VMP1: variants seen among roughly 807,000 people sequenced by gnomAD.
The protein encoded by VMP1 is ectopic P-granules autophagy protein 3 homolog.
VMP1 carries 11 observed loss-of-function variants against 56.0 expected under a neutral mutation model. The observed-to-expected ratio is 0.20, with a 90% CI of 0.12 to 0.32. The LOEUF is 0.32. Among genes scored for constraint, VMP1 ranks in the 10% least tolerant of loss-of-function variants. The pLI is 1.00. For synonymous variants in VMP1, 149 were observed against 165.0 expected (o/e 0.90, Z 0.74); for missense variants, 296 against 490.3 (o/e 0.60, Z 3.74).
chr17:59,816,133 A>G (rs1319629486), intron 9 of VMP1, among the ~76,000 whole-genome samples: 8 of 152,202 alleles, frequency 5.3e-5, no homozygotes, highest in Non-Finnish European at 1.2e-4. Flanking sequence ...TCTAACCCAG[A>G]ACAGTGACTT....
At chr17:59,779,081 A>G (rs1012428258) in intron 7 of VMP1, among the ~76,000 whole-genome samples, 2 of 152,216 alleles carry the variant, frequency 1.3e-5, no homozygotes, top group African/African-American at 4.8e-5. Flanking sequence ...GGTTAGATGT[A>G]TTCAATGCAT....
At chr17:59,760,606 A>G (rs1194471160) in intron 5 of VMP1, among the ~76,000 whole-genome samples, 1 of 151,898 alleles carries the variant, frequency 6.6e-6, no homozygotes, top group Admixed American at 6.6e-5. Flanking sequence ...CAGTTTGATT[A>G]TGTTTTATTT....
intron 7 of VMP1, chr17:59,784,810 A>G (rs530102554): frequency 3.9e-5 from 6 of 152,334 alleles, no homozygotes; most frequent in African/African-American, 1.4e-4. Flanking sequence ...TCTGAGAGCA[A>G]TTGTCATCTG....
chr17:59,717,446 T>C (rs1386998949), intron 1 of VMP1, among the ~76,000 whole-genome samples: 2 of 151,888 alleles, frequency 1.3e-5, no homozygotes, highest in African/African-American at 4.8e-5. Flanking sequence ...GCAGTGGCAC[T>C]GTCTAGGCCC....
intron 10 of VMP1, among the ~76,000 whole-genome samples, chr17:59,835,135 G>GA (rs750554362): frequency 2.8e-5 from 4 of 144,054 alleles, no homozygotes; most frequent in African/African-American, 1.0e-4. Context: ...TTTTTTGTTT[G>GA]TTTTTTTTTT....
chr17:59,829,159 T>G (rs572742756), intron 10 of VMP1, among the ~76,000 whole-genome samples: 37 of 152,304 alleles, frequency 2.4e-4, no homozygotes, highest in African/African-American at 8.7e-4. Context: ...TGTGTTCTAT[T>G]CAGTTAAATG....
chr17:59,731,545 G>A (rs1254856228), intron 2 of VMP1, 23 bp downstream of exon 2: 4 of 1,551,542 alleles, frequency 2.6e-6, no homozygotes, highest in Non-Finnish European at 3.5e-6. Flanking sequence ...GGTTTGCAGG[G>A]AGGAGTGCTA....
At position 59,787,002 on chromosome 17, in the gene VMP1, C is replaced by T. The variant is rs557760945; in HGVS notation, c.714+13117C>T. 5.3e-5 allele frequency among the ~76,000 whole-genome samples: 8 copies of T among 152,242 alleles called. No homozygotes were observed. In the East Asian group the frequency reaches 5.8e-4, roughly 11 times the overall value. On this transcript the variant is annotated intron_variant, in intron 7 of 11. Transcript: ENST00000262291. ...CAATAATGTTTAGTTTTTGAAAAGG[C>T]GGGCCTGGTAGATAGTCTTTCACAG...
rs530907168 is a variant in VMP1, at chr17:59,821,539, C to CTTTTTTTT, written c.974+3782_974+3789dup. ...TACAGGGATTACCTCAGCTACTTTT[C>CTTTTTTTT]TTTTTTTTTTTTTTTTTTTTTTTGA... On this transcript the variant is annotated intron_variant, in intron 10 of 11. Coordinates refer to ENST00000262291, the MANE Select transcript of VMP1 (RefSeq NM_030938.5). Among the ~76,000 whole-genome samples, 220 of 104,664 alleles carry CTTTTTTTT rather than the reference C, an allele frequency of 2.1e-3. 6 individuals carry two copies. The highest frequency in any genetic ancestry group is 8.0e-3 in the African/African-American group (209 of 26,248). 68.7% of individuals were successfully genotyped at this position (104,664 alleles called of 152,430 possible).
chr17:59,803,970 C>G (rs975874195), intron 7 of VMP1, among the ~76,000 whole-genome samples: 2 of 150,852 alleles, frequency 1.3e-5, no homozygotes, highest in African/African-American at 4.9e-5. Context: ...TTTGGTTTAG[C>G]TTTTTGGTGG....
chr17:59,825,258 G>A (rs2645484), intron 10 of VMP1, among the ~76,000 whole-genome samples: 2 of 151,406 alleles, frequency 1.3e-5, no homozygotes, highest in African/African-American at 4.9e-5. Context: ...GTCTTTAGTA[G>A]AGACAGGATT....
At chr17:59,771,285 A>G (rs913866464) in intron 6 of VMP1, among the ~76,000 whole-genome samples, 4 of 151,526 alleles carry the variant, frequency 2.6e-5, no homozygotes, top group Non-Finnish European at 4.4e-5. Context: ...CAATCCTCCC[A>G]CCTCAGCCTC....
intron 5 of VMP1, among the ~76,000 whole-genome samples, chr17:59,749,206 C>T (rs1273695575): frequency 6.6e-6 from 1 of 151,820 alleles, no homozygotes; most frequent in African/African-American, 2.4e-5. Flanking sequence ...ATCCGCCTAC[C>T]TCAGCCTCCC....
At chr17:59,831,886 G>A (rs1020450270) in intron 10 of VMP1, among the ~76,000 whole-genome samples, 5 of 150,718 alleles carry the variant, frequency 3.3e-5, no homozygotes, top group East Asian at 1.9e-4. Flanking sequence ...TGTTTGTTTC[G>A]GAGACAGGAT....
intron 7 of VMP1, among the ~76,000 whole-genome samples, chr17:59,799,318 C>G (rs1300068072): frequency 1.3e-5 from 2 of 152,022 alleles, no homozygotes; most frequent in African/African-American, 4.8e-5. Context: ...GAGTTTTACC[C>G]TAATTTCTAA....
intron 10 of VMP1, among the ~76,000 whole-genome samples, chr17:59,819,047 G>A (rs1251949811): frequency 6.6e-6 from 1 of 151,972 alleles, no homozygotes; most frequent in Non-Finnish European, 1.5e-5. Context: ...TAATAAAATA[G>A]TTTTTAATAT....
Position 59,731,494 on chromosome 17 carries a change from C to G in VMP1, c.48C>G (p.Asn16Lys). 6.3e-6 allele frequency: 10 copies of G among 1,590,186 alleles called. No individual in the cohort carries two copies. Among genetic ancestry groups the G allele is most frequent in the Non-Finnish European group, 8.5e-6 (10 of 1,171,402 alleles). ...GTGACCAGAGACGTGTAGCAATGAA[C>G]AAGGAACATCATAATGGAAATTTCA... Reference protein sequence around the residue: ...KNCDQRRVAMNKEHHNGNFTD... With the variant: ...KNCDQRRVAMKKEHHNGNFTD... The change falls in exon 2 of 12, where the codon AAC becomes AAG. Residue 16 changes from asparagine to lysine, a missense_variant. Physicochemically the swap from Asn to Lys is moderately conservative, Grantham distance 94. Coordinates refer to ENST00000262291, the MANE Select transcript of VMP1 (RefSeq NM_030938.5).
chr17:59,730,470 G>T (rs547090766), intron 1 of VMP1, among the ~76,000 whole-genome samples: 1 of 152,180 alleles, frequency 6.6e-6, no homozygotes, highest in South Asian at 2.1e-4. Context: ...TCACTGTGTA[G>T]TCCAGGCTGG....
chr17:59,754,150 T>A (rs1197094781), intron 5 of VMP1, among the ~76,000 whole-genome samples: 4 of 152,116 alleles, frequency 2.6e-5, no homozygotes, highest in African/African-American at 7.2e-5. Flanking sequence ...AAATTGTACA[T>A]TTACCCTGAA....
Sources: gnomAD v4.1 joint callset for allele counts (sites outside exome capture counted in the v4.1 genomes callset) on GRCh38, gnomAD v4.1.1 for gene constraint, MANE v1.5 for transcripts, NCBI Gene and HGNC (gene_info 2026-07-23, HGNC 2026-07-21) for gene names.